The following DNAH12 variants were observed in gnomAD, a reference collection of about 807,000 sequenced individuals.
DNAH12 encodes dynein axonemal heavy chain 12.
In DNAH12, 285 loss-of-function variants were observed where a neutral mutation model predicts 371.5. The observed-to-expected ratio is 0.77, with a 90% CI of 0.70 to 0.85. DNAH12 has a LOEUF of 0.85. Ranked by LOEUF, DNAH12 falls within the 40% of genes least tolerant of loss-of-function variation. The probability of loss-of-function intolerance (pLI) is 0.00; values close to 1 mark genes in which losing one functional copy is unlikely to be tolerated. For synonymous variants in DNAH12, 1,200 were observed against 1,213.0 expected (o/e 0.99, Z 0.22); for missense variants, 3,611 against 3,689.4 (o/e 0.98, Z 0.55).
At chr3:57,544,455 T>A (rs1181178957), upstream of DNAH12, 1 of 152,214 alleles carries the variant, frequency 6.6e-6, no homozygotes, top group African/African-American at 2.4e-5. Context: ...TGCAAGGGGT[T>A]AGGATTACCT....
rs549760171 is a variant in DNAH12, at chr3:57,404,658, T to C, written c.6755+311A>G. 1.3e-4 allele frequency among the ~76,000 whole-genome samples: 20 copies of C among 152,148 alleles called. No individual in the cohort carries two copies. The South Asian group carries it at 4.2e-3, about 32-fold the overall frequency. On this transcript the variant is annotated intron_variant, in intron 42 of 73. Transcript: ENST00000495027. Reference sequence around the variant, plus strand: ...TGGCTTGAACCCGGGAGGTGGAGGTTGCAGCGAGCTGAGATAGTGCCATTG... The same window carrying C: ...TGGCTTGAACCCGGGAGGTGGAGGTCGCAGCGAGCTGAGATAGTGCCATTG...
chr3:57,513,478 C>T (rs55900654), intron 4 of DNAH12, among the ~76,000 whole-genome samples: 18,363 of 147,560 alleles, frequency 0.12, 1,314 homozygotes, highest in South Asian at 0.22. Flanking sequence ...ACATGTATCC[C>T]GGAACATAAA....
At chr3:57,449,758 G>A (rs531237096) in intron 25 of DNAH12, among the ~76,000 whole-genome samples, 225 of 152,328 alleles carry the variant, frequency 1.5e-3, no homozygotes, top group African/African-American at 5.1e-3. Flanking sequence ...CTGAGGGAGT[G>A]GGCTCCAGCC....
chr3:57,522,539 G>A (rs2068488616), intron 4 of DNAH12, among the ~76,000 whole-genome samples: 2 of 152,158 alleles, frequency 1.3e-5, no homozygotes, highest in Admixed American at 1.3e-4. Flanking sequence ...GGCCAGGTAA[G>A]GAGGAAGAAG....
intron 29 of DNAH12, among the ~76,000 whole-genome samples, chr3:57,444,065 G>A (rs1245549116): frequency 1.3e-4 from 19 of 151,570 alleles, no homozygotes; most frequent in Admixed American, 1.2e-3. Context: ...GCTGGGCATG[G>A]TGGCGCTTGC....
At chr3:57,381,736 G>A (rs1306820785) in intron 50 of DNAH12, among the ~76,000 whole-genome samples, 1 of 152,078 alleles carries the variant, frequency 6.6e-6, no homozygotes, top group African/African-American at 2.4e-5. Flanking sequence ...GCTTAACTCA[G>A]ATGTTTTGGA....
At chr3:57,322,943 A>G (rs1436572397) in intron 64 of DNAH12, 64 bp downstream of exon 64, 13 of 1,509,824 alleles carry the variant, frequency 8.6e-6, no homozygotes, top group Non-Finnish European at 4.4e-6. Flanking sequence ...ACAAACAAAC[A>G]AAACAAATAA....
intron 65 of DNAH12, among the ~76,000 whole-genome samples, chr3:57,315,230 C>A (rs551338763): frequency 6.6e-6 from 1 of 151,986 alleles, no homozygotes; most frequent in African/African-American, 2.4e-5. Context: ...AAGTATGATA[C>A]ACAGCATGTA....
chr3:57,315,043 T>G (rs1344906878), intron 65 of DNAH12, among the ~76,000 whole-genome samples: 2 of 152,156 alleles, frequency 1.3e-5, no homozygotes, highest in Non-Finnish European at 2.9e-5. Context: ...CAATATGTCA[T>G]TCATGACTTT....
Position 57,489,593 on chromosome 3 carries a change from T to C in DNAH12, c.1430A>G (p.Lys477Arg). 1 of 1,543,192 alleles carries C rather than the reference T, an allele frequency of 6.5e-7. No homozygotes were observed. Among genetic ancestry groups the C allele is most frequent in the Non-Finnish European group, 8.7e-7 (1 of 1,144,444 alleles). Residue 477 changes from lysine to arginine, a missense_variant, in exon 12 of 74, where the codon AAG becomes AGG. Around this residue, in one of 3 missense-constraint regions of DNAH12, gnomAD observed 1,314 missense variants for 1,398.7 expected, o/e 0.94. Coordinates refer to ENST00000495027, the MANE Select transcript of DNAH12 (RefSeq NM_001366028.2). ...TTTTGCTTTATTTGTCAGGCCTGTCTTCAAATCTTCACAATCCAAACGCAC... is the reference window on the plus strand; with the variant it reads ...TTTTGCTTTATTTGTCAGGCCTGTCCTCAAATCTTCACAATCCAAACGCAC... ...TMVRLDCEDL[K>R]TGLTNKAKAF...
chr3:57,476,708 G>A (rs1317137472), intron 13 of DNAH12, among the ~76,000 whole-genome samples: 1 of 152,132 alleles, frequency 6.6e-6, no homozygotes, highest in Non-Finnish European at 1.5e-5. Flanking sequence ...ATTCCAAATT[G>A]TACAATTCAT....
chr3:57,553,124 C>T, the DNAH12 span, among the ~76,000 whole-genome samples: 1 of 152,088 alleles, frequency 6.6e-6, no homozygotes, highest in Non-Finnish European at 1.5e-5. Flanking sequence ...TTTCACTGAG[C>T]CAAGATCATG....
intron 4 of DNAH12, chr3:57,512,677 A>G (rs1343013831): frequency 6.6e-6 from 1 of 152,268 alleles, no homozygotes; most frequent in Admixed American, 6.5e-5. Flanking sequence ...ATCTAGAACC[A>G]GAAATACCTT....
intron 69 of DNAH12, among the ~76,000 whole-genome samples, chr3:57,305,480 C>A (rs764273130): frequency 6.6e-6 from 1 of 152,174 alleles, no homozygotes; most frequent in African/African-American, 2.4e-5. Context: ...TAGCCCTCCC[C>A]CTCCTGCCCA....
At chr3:57,442,511 C>T (rs1324523686) in intron 29 of DNAH12, among the ~76,000 whole-genome samples, 1 of 151,956 alleles carries the variant, frequency 6.6e-6, no homozygotes, top group Non-Finnish European at 1.5e-5. Context: ...GGAGTGACCA[C>T]TAAGGTAAAG....
rs2063298261 is a variant in DNAH12 at position 57,377,203 on chromosome 3, G to T, written c.8243C>A (p.Ala2748Asp). The T allele has an allele frequency of 6.6e-6, 1 of 152,236 alleles. No homozygotes were observed. Among genetic ancestry groups the T allele is most frequent in the Admixed American group, 6.5e-5 (1 of 15,272 alleles). 9.4% of individuals were successfully genotyped at this position (152,236 alleles called of 1,614,324 possible). ...AGACTTCTGAGCTTCTGATAAGCGAGCTTTCTTAGGAGCCACTACCTTTTT... is the reference window on the plus strand; with the variant it reads ...AGACTTCTGAGCTTCTGATAAGCGATCTTTCTTAGGAGCCACTACCTTTTT... The part of the protein sequence containing the change: ...RVAKVVAPKK[A>D]RLSEAQKSLA... Residue 2748 changes from alanine (A) to aspartate (D), a missense_variant, in exon 53 of 74, where the codon GCT (alanine) becomes GAT (aspartate). Physicochemically the swap from Ala to Asp is moderately radical, Grantham distance 126. Transcript: ENST00000495027.
At position 57,405,672 on chromosome 3, in the gene DNAH12, A is replaced by C. The variant is rs1553680877; in HGVS notation, c.6557T>G (p.Leu2186Trp). The change falls in exon 41 of 74, where the codon TTG (leucine) becomes TGG (tryptophan). Residue 2186 changes from leucine to tryptophan, a missense_variant. By Grantham distance (61) the Leu-to-Trp change is moderately conservative. Coordinates refer to ENST00000495027, the MANE Select transcript of DNAH12 (RefSeq NM_001366028.2). ...KESFHSIFSH[L>W]RKQNAPVTEE... ...ACTCACTGGTGCATTTTGTTTCCTC[A>C]AATGTGAAAAGATACTGTGAAATGA... 1.3e-6 allele frequency: 2 copies of C among 1,551,182 alleles called. No homozygotes were observed. Among genetic ancestry groups the C allele is most frequent in the South Asian group, 1.2e-5 (1 of 84,016 alleles).
intron 66 of DNAH12, among the ~76,000 whole-genome samples, chr3:57,312,540 C>T (rs1356574866): frequency 6.6e-6 from 1 of 152,178 alleles, no homozygotes; most frequent in Non-Finnish European, 1.5e-5. Flanking sequence ...AGGATTAATC[C>T]TCAATCATCT....
intron 62 of DNAH12, among the ~76,000 whole-genome samples, chr3:57,332,676 C>G (rs144170896): frequency 6.6e-6 from 1 of 152,124 alleles, no homozygotes; most frequent in Non-Finnish European, 1.5e-5. Flanking sequence ...ACTGTCCAGG[C>G]AGAGTTCAGA....
Sources: gnomAD v4.1 joint callset for allele counts (sites outside exome capture counted in the v4.1 genomes callset) on GRCh38, gnomAD v4.1.1 for gene constraint, gnomAD v4.1.1 regional missense constraint, MANE v1.5 for transcripts, NCBI Gene and HGNC (gene_info 2026-07-23, HGNC 2026-07-21) for gene names.